Variants in CCND3 observed in about 807,000 individuals in gnomAD.
CCND3 encodes G1/S-specific cyclin-D3.
A neutral mutation model predicts 28.7 loss-of-function variants in CCND3; 9 were observed. The observed-to-expected ratio is 0.31, with a 90% CI of 0.19 to 0.55. The LOEUF (loss-of-function observed/expected upper bound fraction) is 0.55. Among genes scored for constraint, CCND3 ranks in the 20% least tolerant of loss-of-function variants. The probability of loss-of-function intolerance (pLI) is 0.93; values close to 1 mark genes in which losing one functional copy is unlikely to be tolerated. For missense variants in CCND3, 315 were observed against 385.8 expected, an observed-to-expected ratio of 0.82 and a Z score of 1.54; for synonymous variants, 164 against 163.9, an observed-to-expected ratio of 1.00 and a Z score of 0.00.
chr6:41,970,270 C>G (rs781111362), intron 1 of CCND3, among the ~76,000 whole-genome samples: 1 of 151,836 alleles, frequency 6.6e-6, no homozygotes, highest in African/African-American at 2.4e-5. Context: ...ACCCAGGAGG[C>G]GGAGGTTGGA....
At chr6:41,966,217 A>G (rs891169952) in intron 1 of CCND3, among the ~76,000 whole-genome samples, 4 of 152,160 alleles carry the variant, frequency 2.6e-5, no homozygotes, top group Admixed American at 2.6e-4. Context: ...TAAGCTTGTT[A>G]ATTCTGATGG....
Position 41,940,642 on chromosome 6 carries a change from G to T in CCND3, c.199-57C>A. 3 of 1,223,152 alleles carry T rather than the reference G, an allele frequency of 2.5e-6. No homozygotes were observed. In the South Asian group the frequency reaches 3.6e-5, roughly 15 times the overall value. 75.8% of individuals were successfully genotyped at this position (1,223,152 alleles called of 1,614,324 possible). A position where few individuals can be genotyped will look rare whatever the true frequency, so the allele number is the denominator to read the frequency against. On this transcript the variant is annotated intron_variant, in intron 1 of 4. Coordinates refer to ENST00000372991, the MANE Select transcript of CCND3 (RefSeq NM_001760.5). ...TGGAGCGTGGGGAACACAGCAGCGG[G>T]GGGGTGGGAGCGCTGAAGTGAGGTG...
upstream of CCND3, among the ~76,000 whole-genome samples, chr6:41,946,370 G>T (rs1165933249): frequency 6.6e-6 from 1 of 151,752 alleles, no homozygotes; most frequent in East Asian, 1.9e-4. Context: ...GCAGGGGCAG[G>T]CAGATCACTT....
intron 1 of CCND3, among the ~76,000 whole-genome samples, chr6:42,037,897 C>T (rs1202578037): frequency 1.3e-5 from 2 of 151,722 alleles, no homozygotes; most frequent in East Asian, 3.9e-4. Context: ...TGGGTGTGGT[C>T]GCACATGCCT....
At chr6:41,964,347 TGTGA>T (rs1201993039) in intron 1 of CCND3, among the ~76,000 whole-genome samples, 5 of 141,430 alleles carry the variant, frequency 3.5e-5, no homozygotes, top group African/African-American at 1.2e-4. Flanking sequence ...TGTGAATGTG[TGTGA>T]GTCTGTGTGT....
chr6:42,010,680 G>A (rs976989461), intron 1 of CCND3, among the ~76,000 whole-genome samples: 1 of 152,094 alleles, frequency 6.6e-6, no homozygotes, highest in Non-Finnish European at 1.5e-5. Context: ...TCTGCGGGGT[G>A]GAGCAACTGT....
rs34556754 is a variant in CCND3, at chr6:41,954,250, TAAAAAAAA to T, written c.-45-13673_-45-13666del. Among the ~76,000 whole-genome samples the T allele has an allele frequency of 8.8e-4, 31 of 35,148 alleles. 2 individuals are homozygous for T. The highest frequency in any genetic ancestry group is 0.067 in the Middle Eastern group (2 of 30). The allele number at this position is 35,148 out of a possible 152,430, so 23.1% of individuals were successfully genotyped here. A position where few individuals can be genotyped will look rare whatever the true frequency, so the allele number is the denominator to read the frequency against. On this transcript the variant is annotated intron_variant, in intron 1 of 4. Coordinates refer to the CCND3 transcript ENST00000372988. ...TGGGGTACAGAGCAAGATTCTGCCTTAAAAAAAAAAAAAAAAAAAAAAAAAGGTGTGGT... is the reference window on the plus strand; with the variant it reads ...TGGGGTACAGAGCAAGATTCTGCCTTAAAAAAAAAAAAAAAAAGGTGTGGT...
chr6:41,954,408 G>A lies in CCND3; in HGVS notation c.-45-13823C>T, dbSNP rs544183805. ...CTACTAAAAATACAAAAATTTAGCCGGGTGTTGTGGCGTGCGCCTGTAATC... is the reference window on the plus strand; with the variant it reads ...CTACTAAAAATACAAAAATTTAGCCAGGTGTTGTGGCGTGCGCCTGTAATC... On this transcript the variant is annotated intron_variant, in intron 1 of 4. Coordinates refer to the CCND3 transcript ENST00000372988. Among the ~76,000 whole-genome samples the A allele has an allele frequency of 1.4e-4, 21 of 151,406 alleles. No individual in the cohort carries two copies. The East Asian group carries it at 2.9e-3, about 21-fold the overall frequency.
At chr6:41,945,135 G>A (rs1239392265), upstream of CCND3, among the ~76,000 whole-genome samples, 1 of 152,278 alleles carries the variant, frequency 6.6e-6, no homozygotes, top group South Asian at 2.1e-4. Flanking sequence ...ATTGGAGGAG[G>A]GGTGGGAATG....
intron 1 of CCND3, among the ~76,000 whole-genome samples, chr6:41,948,560 T>G (rs1238669352): frequency 6.6e-6 from 1 of 152,040 alleles, no homozygotes; most frequent in Non-Finnish European, 1.5e-5. Context: ...AACACCAGGC[T>G]GGGCGCGGTG....
chr6:42,003,249 G>A (rs982080180), intron 1 of CCND3, among the ~76,000 whole-genome samples: 4 of 150,958 alleles, frequency 2.6e-5, no homozygotes, highest in Non-Finnish European at 5.9e-5. Flanking sequence ...GCAGAGGCCA[G>A]GAGCAATGGC....
chr6:41,940,988 T>G, intron 1 of CCND3: 1 of 1,612,942 alleles, frequency 6.2e-7, no homozygotes, highest in Non-Finnish European at 8.5e-7. Flanking sequence ...CGCTGCCTCC[T>G]GCACTTTTCA....
intron 1 of CCND3, among the ~76,000 whole-genome samples, chr6:41,955,712 C>T (rs2127401740): frequency 6.7e-6 from 1 of 150,354 alleles, no homozygotes; most frequent in East Asian, 1.9e-4. Flanking sequence ...ACTAAGGAGG[C>T]AGGAGGATTG....
intron 1 of CCND3, among the ~76,000 whole-genome samples, chr6:41,965,271 T>C (rs911703101): frequency 6.6e-6 from 1 of 152,038 alleles, no homozygotes; most frequent in Non-Finnish European, 1.5e-5. Flanking sequence ...GGTTTCACCA[T>C]GTTGGTCAGG....
upstream of CCND3, chr6:42,049,850 A>G (rs772011841): frequency 6.6e-6 from 1 of 152,220 alleles, no homozygotes; most frequent in Non-Finnish European, 1.5e-5. Context: ...TTAATGAGAA[A>G]GATTCCCAAG....
intron 1 of CCND3, among the ~76,000 whole-genome samples, chr6:41,985,026 A>G (rs187901188): frequency 1.3e-5 from 2 of 152,198 alleles, no homozygotes; most frequent in Non-Finnish European, 2.9e-5. Flanking sequence ...GAGTTACATA[A>G]GTTCCTTATA....
chr6:42,012,424 A>G (rs927555130), intron 1 of CCND3, among the ~76,000 whole-genome samples: 5 of 148,988 alleles, frequency 3.4e-5, no homozygotes, highest in Non-Finnish European at 7.4e-5. Context: ...TCTCAACAAT[A>G]AAATAAAAAT....
At position 41,935,631 on chromosome 6, in the gene CCND3, C is replaced by A; in HGVS notation, c.*309G>T. On this transcript the variant is annotated 3_prime_UTR_variant, in exon 5 of 5. Coordinates refer to ENST00000372991, the MANE Select transcript of CCND3 (RefSeq NM_001760.5). ...GCCCCCAGGGGTGGGGGGGGGCGTT[C>A]AAAAGGAATGCTGGTGTATGTATCC... is the stretch of plus-strand genomic sequence containing the variant. 1 of 456,858 alleles carries A rather than the reference C, an allele frequency of 2.2e-6. No individual in the cohort carries two copies. The allele number at this position is 456,858 out of a possible 1,614,324, so 28.3% of individuals were successfully genotyped here.
intron 1 of CCND3, among the ~76,000 whole-genome samples, chr6:41,954,498 C>T (rs1465362691): frequency 8.8e-5 from 13 of 147,080 alleles, no homozygotes; most frequent in African/African-American, 3.0e-4. Flanking sequence ...TTGCGGTGAG[C>T]GGAGAATAGC....
Sources: gnomAD v4.1 joint callset for allele counts (sites outside exome capture counted in the v4.1 genomes callset) on GRCh38, gnomAD v4.1.1 for gene constraint, MANE v1.5 for transcripts, NCBI Gene and HGNC (gene_info 2026-07-23, HGNC 2026-07-21) for gene names.